EIF4G3: variants seen among roughly 807,000 people sequenced by gnomAD.
EIF4G3 encodes eukaryotic translation initiation factor 4 gamma 3.
A neutral mutation model predicts 186.4 loss-of-function variants in EIF4G3; 34 were observed. The ratio of observed to expected loss-of-function variants is 0.18; its 90% CI spans 0.14 to 0.24. EIF4G3 has a LOEUF of 0.24. Ranked by LOEUF, EIF4G3 falls within the 10% of genes least tolerant of loss-of-function variation. EIF4G3 has a pLI of 1.00. For missense variants in EIF4G3, 1,536 were observed against 1,948.5 expected (o/e 0.79, Z 3.99); for synonymous variants, 673 against 679.5 (o/e 0.99, Z 0.15).
intron 2 of EIF4G3, among the ~76,000 whole-genome samples, chr1:21,108,708 A>T (rs1472081625): frequency 6.6e-6 from 1 of 151,396 alleles, no homozygotes; most frequent in Non-Finnish European, 1.5e-5. Context: ...GTTCGAGACC[A>T]GTCTGGCCAA....
chr1:20,817,490 A>G lies in EIF4G3; in HGVS notation c.4417T>C (p.Ser1473Pro). 6.2e-7 allele frequency: 1 copy of G among 1,604,650 alleles called. No homozygotes were observed. The highest frequency in any genetic ancestry group is 8.5e-7 in the Non-Finnish European group (1 of 1,174,828). ...TCTTCGGCAGACAGTTCTTTCTTTG[A>G]AAGTGCTTCAGAGGAACAGGGACTG... ...SDSPCSSEAL[S>P]KKELSAEELY... The change falls in exon 34 of 37, where the codon TCA becomes CCA. Residue 1473 changes from serine (S) to proline (P), a missense_variant. Around this residue, in one of 11 missense-constraint regions of EIF4G3, gnomAD observed 395 missense variants for 498.9 expected, o/e 0.79. Transcript: ENST00000602326.
In EIF4G3 at chr1:20,810,061, C is replaced by G. The variant is rs1186914959; in HGVS notation, c.4744+677G>C. Reference sequence around the variant, plus strand: ...TCTTGGCTTAGTGCAAACTCCGCCTCCCAGGTTCAAGTGATTCTCGTGCTT... The same window carrying G: ...TCTTGGCTTAGTGCAAACTCCGCCTGCCAGGTTCAAGTGATTCTCGTGCTT... On this transcript the variant is annotated intron_variant, in intron 36 of 36. Transcript: ENST00000602326. This position sits in a 1 kb window ranked among gnomAD's most constrained non-coding sequence, Gnocchi z 4.1. Among the ~76,000 whole-genome samples the G allele has an allele frequency of 6.6e-6, 1 of 152,056 alleles. No homozygotes were observed. Among genetic ancestry groups the G allele is most frequent in the African/African-American group, 2.4e-5 (1 of 41,396 alleles).
At chr1:20,888,432 T>G (rs1353257910) in intron 18 of EIF4G3, among the ~76,000 whole-genome samples, 4 of 152,198 alleles carry the variant, frequency 2.6e-5, no homozygotes, top group Non-Finnish European at 5.9e-5. Context: ...TATCTAGCTA[T>G]TAATAGATCT....
intron 7 of EIF4G3, among the ~76,000 whole-genome samples, chr1:20,994,449 T>C (rs2081836511): frequency 6.6e-6 from 1 of 152,100 alleles, no homozygotes; most frequent in South Asian, 2.1e-4. Context: ...AGAATTTAAC[T>C]GGTGTTCAGG....
At position 20,817,433 on chromosome 1, in the gene EIF4G3, CAAT is replaced by C; in HGVS notation, c.4471_4473del (p.Ile1491del). 8 of 1,609,302 alleles carry C rather than the reference CAAT, an allele frequency of 5.0e-6. No individual in the cohort carries two copies. The highest frequency in any genetic ancestry group is 6.8e-6 in the Non-Finnish European group (8 of 1,177,270). Reference sequence around the variant, plus strand: ...ATCTGTTCATCATTCGCTTTGTCCTCAATAATGAGTTTCTCGAGTCGCTTATAC... The same window carrying C: ...ATCTGTTCATCATTCGCTTTGTCCTCAATGAGTTTCTCGAGTCGCTTATAC... On this transcript the variant is annotated inframe_deletion, in exon 34 of 37. Transcript: ENST00000602326.
intron 25 of EIF4G3, 44 bp from the exon 26 acceptor site, chr1:20,855,115 G>C: frequency 7.0e-7 from 1 of 1,421,556 alleles, no homozygotes. Context: ...AAATATTCTA[G>C]AAGAATAGTT....
At chr1:20,891,539 G>A (rs1234125379) in intron 18 of EIF4G3, among the ~76,000 whole-genome samples, 5 of 151,272 alleles carry the variant, frequency 3.3e-5, no homozygotes, top group South Asian at 2.1e-4. Flanking sequence ...TTGGGAGGCC[G>A]AGGCGGGTGG....
chr1:21,069,540 T>C (rs563329523), intron 3 of EIF4G3, among the ~76,000 whole-genome samples: 1 of 152,334 alleles, frequency 6.6e-6, no homozygotes, highest in South Asian at 2.1e-4. Flanking sequence ...CTAAATTAAG[T>C]TTATCTCAAT....
At chr1:20,891,616 C>CAAAAAAAAA (rs11343165) in intron 18 of EIF4G3, among the ~76,000 whole-genome samples, 64 of 80,970 alleles carry the variant, frequency 7.9e-4, no homozygotes, top group Middle Eastern at 6.7e-3. Context: ...ACTAAAAATA[C>CAAAAAAAAA]AAAAAAAAAA....
chr1:21,014,897 AG>A (rs1208805223), intron 4 of EIF4G3, among the ~76,000 whole-genome samples: 1 of 152,146 alleles, frequency 6.6e-6, no homozygotes, highest in African/African-American at 2.4e-5. Context: ...GGCCTCCCAA[AG>A]TGCTGGGATT....
chr1:20,900,590 G>A (rs2053981), intron 15 of EIF4G3, among the ~76,000 whole-genome samples: 59,321 of 151,132 alleles, frequency 0.39, 12,233 homozygotes, highest in Non-Finnish European at 0.45. Flanking sequence ...TTCAGAAGGC[G>A]AAAAAGAATT....
At chr1:21,151,875 C>G (rs1419407758) in intron 2 of EIF4G3, among the ~76,000 whole-genome samples, 1 of 152,132 alleles carries the variant, frequency 6.6e-6, no homozygotes, top group Non-Finnish European at 1.5e-5. Context: ...CTCACCCACT[C>G]CACTTGGAAA....
intron 14 of EIF4G3, among the ~76,000 whole-genome samples, chr1:20,934,050 T>G (rs1319287809): frequency 6.6e-6 from 1 of 152,190 alleles, no homozygotes; most frequent in Non-Finnish European, 1.5e-5. Context: ...CTTTCTGTGC[T>G]AGTCAAAACT....
chr1:20,960,253 G>C (rs1378406719), intron 12 of EIF4G3, among the ~76,000 whole-genome samples: 1 of 152,010 alleles, frequency 6.6e-6, no homozygotes, highest in Admixed American at 6.5e-5. Flanking sequence ...GATCAACTGA[G>C]GTCAGGAGTT....
chr1:21,000,017 A>C (rs1020794721), intron 6 of EIF4G3, among the ~76,000 whole-genome samples: 1 of 151,938 alleles, frequency 6.6e-6, no homozygotes, highest in Non-Finnish European at 1.5e-5. Flanking sequence ...TAATTTTGAA[A>C]CTTAACACCA....
rs182869561 is a variant in EIF4G3, at chr1:21,066,419, G to T, written c.-195-15425C>A. Among the ~76,000 whole-genome samples the T allele has an allele frequency of 8.9e-3, 1,345 of 151,380 alleles. 9 individuals are homozygous for T. Among genetic ancestry groups the T allele is most frequent in the Non-Finnish European group, 0.014 (975 of 67,812 alleles). ...ATTAGATATGTAAAAAATTAACATA[G>T]AAATGTTATAGCCATAAGAAATTAA... On this transcript the variant is annotated intron_variant, in intron 3 of 36. Coordinates refer to ENST00000602326, the MANE Select transcript of EIF4G3 (RefSeq NM_001391906.1).
chr1:20,913,322 C>A (rs963214464), intron 14 of EIF4G3, among the ~76,000 whole-genome samples: 2 of 152,068 alleles, frequency 1.3e-5, no homozygotes, highest in African/African-American at 2.4e-5. Context: ...TTGCTTGAGG[C>A]CAGGAGTTCC....
intron 2 of EIF4G3, among the ~76,000 whole-genome samples, chr1:21,160,630 C>T (rs573856603): frequency 6.6e-6 from 1 of 152,224 alleles, no homozygotes; most frequent in South Asian, 2.1e-4. Flanking sequence ...TGCATAACCT[C>T]GCCCCATTCA....
chr1:20,854,060 T>G (rs1488372286), intron 26 of EIF4G3, among the ~76,000 whole-genome samples: 1 of 152,076 alleles, frequency 6.6e-6, no homozygotes, highest in African/African-American at 2.4e-5. Context: ...TTTTTTAAAA[T>G]TTAAAGAAAA....
Sources: gnomAD v4.1 joint callset for allele counts (sites outside exome capture counted in the v4.1 genomes callset) on GRCh38, gnomAD v4.1.1 for gene constraint, gnomAD v4.1.1 regional missense constraint, Gnocchi (gnomAD v3.1) non-coding constraint, MANE v1.5 for transcripts, NCBI Gene and HGNC (gene_info 2026-07-23, HGNC 2026-07-21) for gene names.